Variants in GPC6 observed in about 807,000 individuals in gnomAD.
GPC6 encodes glypican 6, also known as glypican-6.
In GPC6, 14 loss-of-function variants were observed where a neutral mutation model predicts 55.2. The ratio of observed to expected loss-of-function variants is 0.25; its 90% confidence interval spans 0.17 to 0.40. The LOEUF (loss-of-function observed/expected upper bound fraction) is 0.40. GPC6 is among the 10% of genes least tolerant of loss of function. The pLI, the probability that GPC6 is intolerant of heterozygous loss-of-function variation, is 1.00. For missense variants in GPC6, 641 were observed against 708.5 expected (o/e 0.90, Z 1.08); for synonymous variants, 278 against 259.6 (o/e 1.07, Z -0.68).
At chr13:93,593,389 T>G (rs1371233764) in intron 2 of GPC6, among the ~76,000 whole-genome samples, 1 of 152,154 alleles carries the variant, frequency 6.6e-6, no homozygotes, top group East Asian at 1.9e-4. Flanking sequence ...CTGCGTAATA[T>G]TGGGATCATG....
chr13:93,219,273 T>C, the GPC6 span, among the ~76,000 whole-genome samples: 1 of 152,110 alleles, frequency 6.6e-6, no homozygotes, highest in Admixed American at 6.5e-5. Flanking sequence ...TTTGTATTTT[T>C]AGTAGAGATG....
chr13:94,270,428 G>A (rs553403924), intron 4 of GPC6, among the ~76,000 whole-genome samples: 2 of 152,278 alleles, frequency 1.3e-5, no homozygotes, highest in East Asian at 1.9e-4. Flanking sequence ...AGAATAATGA[G>A]GGGAGTATCT....
chr13:93,742,384 G>T (rs7319458), intron 2 of GPC6, among the ~76,000 whole-genome samples: 1 of 152,120 alleles, frequency 6.6e-6, no homozygotes, highest in Non-Finnish European at 1.5e-5. Context: ...GAAGAAGTTG[G>T]CCCTAAAATA....
intron 1 of GPC6, among the ~76,000 whole-genome samples, chr13:93,504,756 A>C (rs992983214): frequency 6.6e-5 from 10 of 152,172 alleles, no homozygotes; most frequent in Admixed American, 1.3e-4. Flanking sequence ...TCTAAAAAAA[A>C]CAACAACATT....
intron 1 of GPC6, among the ~76,000 whole-genome samples, chr13:93,389,352 T>A (rs543004246): frequency 1.4e-5 from 2 of 146,794 alleles, no homozygotes; most frequent in South Asian, 2.2e-4. Context: ...AAAAAAAAAA[T>A]AAATAGCCGG....
intron 2 of GPC6, among the ~76,000 whole-genome samples, chr13:93,728,532 T>C (rs1890437): frequency 0.96 from 145,424 of 151,628 alleles, 69,784 homozygotes; most frequent in African/African-American, 0.99. Flanking sequence ...TGAGCCACCA[T>C]ACCCAGCCTT....
chr13:93,613,513 CACACACACACACACAAA>C (rs1441785069), intron 2 of GPC6, among the ~76,000 whole-genome samples: 1 of 138,422 alleles, frequency 7.2e-6, no homozygotes, highest in South Asian at 2.4e-4. Context: ...CAAGCAAACA[CACACACACACACACAAA>C]ACACACACAC....
intron 4 of GPC6, among the ~76,000 whole-genome samples, chr13:94,120,330 AT>A (rs1311192195): frequency 6.6e-6 from 1 of 152,094 alleles, no homozygotes; most frequent in African/African-American, 2.4e-5. Context: ...AGCAGAAAAC[AT>A]TTGGACAAAC....
intron 2 of GPC6, among the ~76,000 whole-genome samples, chr13:93,705,646 A>G (rs1437079489): frequency 2.0e-5 from 3 of 151,734 alleles, no homozygotes; most frequent in Non-Finnish European, 2.9e-5. Context: ...TCAGATAGTT[A>G]ATGGATATTG....
intron 7 of GPC6, among the ~76,000 whole-genome samples, chr13:94,391,313 A>C (rs1239106613): frequency 2.0e-5 from 3 of 152,194 alleles, no homozygotes; most frequent in African/African-American, 7.2e-5. Context: ...ATAAGACTAC[A>C]TTAAAATTGC....
At chr13:93,506,252 GT>G (rs1324671215) in intron 1 of GPC6, among the ~76,000 whole-genome samples, 1 of 152,138 alleles carries the variant, frequency 6.6e-6, no homozygotes, top group Non-Finnish European at 1.5e-5. Flanking sequence ...GGATTCATTT[GT>G]TTAGAGGATT....
chr13:94,367,809 C>T (rs1879349503), intron 6 of GPC6, among the ~76,000 whole-genome samples: 2 of 150,708 alleles, frequency 1.3e-5, no homozygotes, highest in Admixed American at 1.3e-4. Flanking sequence ...TATTTATATC[C>T]TTCTTAGTCT....
At chr13:94,035,653 G>GA (rs1401209809) in intron 4 of GPC6, among the ~76,000 whole-genome samples, 1 of 151,990 alleles carries the variant, frequency 6.6e-6, no homozygotes, top group Non-Finnish European at 1.5e-5. Context: ...CAGCTAAAGT[G>GA]AAAAGCCTTA....
chr13:94,290,990 G>A (rs1430771039), intron 5 of GPC6, among the ~76,000 whole-genome samples: 3 of 152,120 alleles, frequency 2.0e-5, no homozygotes, highest in African/African-American at 4.8e-5. Flanking sequence ...TCAGGAGTTC[G>A]AGACCAGCCT....
chr13:93,560,225 T>C (rs1875701927), intron 2 of GPC6, among the ~76,000 whole-genome samples: 1 of 151,836 alleles, frequency 6.6e-6, no homozygotes, highest in African/African-American at 2.4e-5. Context: ...AAAAAAATAA[T>C]GGATTTGCAG....
chr13:94,334,701 A>T (rs1877595012), intron 6 of GPC6, among the ~76,000 whole-genome samples: 1 of 152,192 alleles, frequency 6.6e-6, no homozygotes, highest in Admixed American at 6.5e-5. Flanking sequence ...GAGAAGCACA[A>T]GTCTGGGACC....
At chr13:93,223,050 C>T (rs2209880), upstream of GPC6, among the ~76,000 whole-genome samples, 21,310 of 116,332 alleles carry the variant, frequency 0.18, 1,975 homozygotes, top group Admixed American at 0.24. Context: ...TCAGAAATCT[C>T]CATAAATCAC....
chr13:93,476,336 A>C (rs1879301978), intron 1 of GPC6, among the ~76,000 whole-genome samples: 1 of 151,898 alleles, frequency 6.6e-6, no homozygotes, highest in African/African-American at 2.4e-5. Context: ...AAATAATATA[A>C]ACGTAGCCAC....
intron 3 of GPC6, among the ~76,000 whole-genome samples, chr13:93,967,486 G>GA (rs1237394610): frequency 6.6e-6 from 1 of 152,142 alleles, no homozygotes; most frequent in Non-Finnish European, 1.5e-5. Flanking sequence ...TAAAAAGACT[G>GA]AAAATGCTGT....
Sources: gnomAD v4.1 joint callset for allele counts (sites outside exome capture counted in the v4.1 genomes callset) on GRCh38, gnomAD v4.1.1 for gene constraint, MANE v1.5 for transcripts, NCBI Gene and HGNC (gene_info 2026-07-23, HGNC 2026-07-21) for gene names.